The following PSME4 variants were observed in gnomAD, a reference collection of about 807,000 sequenced individuals.
The protein encoded by PSME4 is proteasome activator subunit 4.
PSME4 carries 89 observed loss-of-function variants against 253.9 expected under a neutral mutation model. The ratio of observed to expected loss-of-function variants is 0.35; its 90% CI spans 0.30 to 0.42. The LOEUF is 0.42. Ranked by LOEUF, PSME4 falls within the 10% of genes least tolerant of loss-of-function variation. PSME4 has a pLI of 1.00. For missense variants in PSME4, 2,014 were observed against 2,195.2 expected (o/e 0.92, Z 1.65); for synonymous variants, 851 against 759.2 (o/e 1.12, Z -1.99).
At chr2:53,922,454 T>C in intron 17 of PSME4, 63 bp downstream of exon 17, 2 of 1,549,982 alleles carry the variant, frequency 1.3e-6, no homozygotes, top group Non-Finnish European at 1.8e-6. Context: ...CAGAAAGAGC[T>C]AAATCCTAAA....
chr2:53,868,830 T>A (rs999261509), intron 44 of PSME4, among the ~76,000 whole-genome samples: 10 of 151,852 alleles, frequency 6.6e-5, no homozygotes, highest in African/African-American at 2.4e-4. Flanking sequence ...GATGCATCTT[T>A]GTAATCACAT....
At position 53,960,708 on chromosome 2, in the gene PSME4, A is replaced by C. The variant is rs921504244; in HGVS notation, c.242+9835T>G. On this transcript the variant is annotated intron_variant, in intron 1 of 46. Transcript: ENST00000404125. ...CAAGGCTATGGTGACAGACTGATAA[A>C]CGTACATGAAAGATGCTATAACTTA... Among the ~76,000 whole-genome samples, 7 of 152,328 alleles carry C rather than the reference A, an allele frequency of 4.6e-5. 2 individuals carry two copies. The highest frequency in any genetic ancestry group is 4.6e-4 in the Admixed American group (7 of 15,296).
Position 53,932,678 on chromosome 2 carries a change from C to T in PSME4, c.1040G>A (p.Gly347Glu). 1 of 1,611,994 alleles carries T rather than the reference C, an allele frequency of 6.2e-7. No homozygotes were observed. Among genetic ancestry groups the T allele is most frequent in the Non-Finnish European group, 8.5e-7 (1 of 1,178,080 alleles). Residue 347 changes from glycine to glutamate, a missense_variant, in exon 9 of 47, where the codon GGG becomes GAG. Physicochemically the swap from Gly to Glu is moderately conservative, Grantham distance 98 (BLOSUM62 -2). Transcript: ENST00000404125. Reference protein sequence around the residue: ...ITSFYHPSNNGRWLNKLMKLL... With the variant: ...ITSFYHPSNNERWLNKLMKLL... Reference sequence around the variant, plus strand: ...AACGAAGTTACTCACCAGCCAGCGCCCATTATTTGAAGGATGGTAAAAAGA... The same window carrying T: ...AACGAAGTTACTCACCAGCCAGCGCTCATTATTTGAAGGATGGTAAAAAGA...
At chr2:53,927,579 C>A in intron 11 of PSME4, 96 bp from the exon 12 acceptor site, 1 of 896,338 alleles carries the variant, frequency 1.1e-6, no homozygotes, top group South Asian at 1.4e-5. Flanking sequence ...AATAAATTAT[C>A]TTGATCAAAA....
chr2:53,902,518 A>G (rs1487009864), intron 27 of PSME4, among the ~76,000 whole-genome samples: 2 of 152,156 alleles, frequency 1.3e-5, no homozygotes, highest in Non-Finnish European at 2.9e-5. Context: ...CTATAAGGTC[A>G]CTCATAACCT....
chr2:53,877,926 A>G (rs889496016), intron 41 of PSME4, among the ~76,000 whole-genome samples: 1 of 152,200 alleles, frequency 6.6e-6, no homozygotes, highest in Non-Finnish European at 1.5e-5. Context: ...TTCTTTTTGC[A>G]AATTAAAACC....
intron 17 of PSME4, among the ~76,000 whole-genome samples, chr2:53,921,750 C>A (rs1668331865): frequency 7.3e-6 from 1 of 137,468 alleles, no homozygotes; most frequent in Admixed American, 7.2e-5. Context: ...CGCCTGTAGT[C>A]CCAGCTACTT....
intron 1 of PSME4, among the ~76,000 whole-genome samples, chr2:53,949,990 C>T (rs1364665339): frequency 6.6e-6 from 1 of 152,114 alleles, no homozygotes; most frequent in African/African-American, 2.4e-5. Flanking sequence ...TGAGACATAA[C>T]CAGGCCAGGC....
At chr2:53,877,187 G>C (rs907563850) in intron 41 of PSME4, among the ~76,000 whole-genome samples, 1 of 147,894 alleles carries the variant, frequency 6.8e-6, no homozygotes, top group Non-Finnish European at 1.5e-5. Flanking sequence ...ACTCCGGGGT[G>C]CTAAGTTGGA....
At chr2:53,969,453 G>A (rs948150017) in intron 1 of PSME4, among the ~76,000 whole-genome samples, 1 of 152,058 alleles carries the variant, frequency 6.6e-6, no homozygotes. Context: ...ACAAAACCCT[G>A]AGTCATCACT....
chr2:53,904,521 CAT>C (rs1443772576), intron 26 of PSME4, among the ~76,000 whole-genome samples: 1 of 152,184 alleles, frequency 6.6e-6, no homozygotes, highest in Non-Finnish European at 1.5e-5. Context: ...CTTATGTCCA[CAT>C]GAGGAAAATT....
chr2:53,939,391 T>G (rs1669276015), intron 4 of PSME4, among the ~76,000 whole-genome samples: 1 of 152,114 alleles, frequency 6.6e-6, no homozygotes, highest in Non-Finnish European at 1.5e-5. Flanking sequence ...CCAAAAAAAT[T>G]AAAATTAAAT....
intron 8 of PSME4, among the ~76,000 whole-genome samples, chr2:53,934,401 TA>T (rs1225700461): frequency 6.6e-6 from 1 of 152,204 alleles, no homozygotes; most frequent in Admixed American, 6.5e-5. Flanking sequence ...ACTCTATTTA[TA>T]ATGTCCATTG....
At position 53,876,716 on chromosome 2, in the gene PSME4, C is replaced by CTTTTTTTTT. The variant is rs10599430; in HGVS notation, c.4816-970_4816-962dup. Among the ~76,000 whole-genome samples, 545 of 97,776 alleles carry CTTTTTTTTT rather than the reference C, an allele frequency of 5.6e-3. 27 individuals carry two copies. The highest frequency in any genetic ancestry group is 8.8e-3 in the East Asian group (21 of 2,388). The allele number at this position is 97,776 out of a possible 152,430, so 64.1% of individuals were successfully genotyped here. On this transcript the variant is annotated intron_variant, in intron 41 of 46. Transcript: ENST00000404125. The stretch of plus-strand genomic sequence containing the variant: ...TCTGATGGCTGTAGCCACTGTCATT[C>CTTTTTTTTT]TTTTTTTTTTTTTTTTTTTTGAGAC...
rs1276946418 is a variant in PSME4, at chr2:53,936,068, T to C, written c.834+19A>G. On this transcript the variant is annotated intron_variant, in intron 7 of 46. Transcript: ENST00000404125. ...ACCACCCCATGCCTGATAATTTTTT[T>C]CCCCAAAATGTTAATTACCTTTGGT... 1.2e-6 allele frequency: 2 copies of C among 1,607,904 alleles called. No individual in the cohort carries two copies. The highest frequency in any genetic ancestry group is 1.7e-6 in the Non-Finnish European group (2 of 1,176,890).
chr2:53,876,231 T>C (rs1250279949), intron 41 of PSME4, among the ~76,000 whole-genome samples: 1 of 152,206 alleles, frequency 6.6e-6, no homozygotes, highest in African/African-American at 2.4e-5. Context: ...CTTGGTATGT[T>C]TCATAAATCT....
rs748786885 is a variant in PSME4 at position 53,919,105 on chromosome 2, A to G, written c.2516+46T>C. 4 of 1,539,684 alleles carry G rather than the reference A, an allele frequency of 2.6e-6. No homozygotes were observed. The African/African-American group carries it at 5.5e-5, about 21-fold the overall frequency. On this transcript the variant is annotated intron_variant, in intron 20 of 46. Transcript: ENST00000404125. ...CAAACCAATAACTCATTAAGTGACT[A>G]AGACTTAAAATATATGTTAAGTGGA... is the stretch of plus-strand genomic sequence containing the variant.
intron 4 of PSME4, among the ~76,000 whole-genome samples, chr2:53,938,633 G>C (rs1386558440): frequency 6.6e-6 from 1 of 151,982 alleles, no homozygotes; most frequent in East Asian, 1.9e-4. Flanking sequence ...AATACAAACA[G>C]CATATGAAAA....
intron 6 of PSME4, 121 bp downstream of exon 6, chr2:53,936,643 A>G: frequency 1.5e-6 from 1 of 655,404 alleles, no homozygotes; most frequent in Non-Finnish European, 2.5e-6. Flanking sequence ...GCCAATCCTA[A>G]GGAACTTCAA....
Sources: allele counts gnomAD v4.1 joint callset (sites outside exome capture counted in the v4.1 genomes callset), GRCh38; gene constraint gnomAD v4.1.1; transcripts MANE v1.5; gene names NCBI Gene and HGNC (gene_info 2026-07-23, HGNC 2026-07-21).